The following RPS6KB1 variants were observed in gnomAD, a reference collection of about 807,000 sequenced individuals.
RPS6KB1 encodes the protein ribosomal protein S6 kinase beta-1.
RPS6KB1 carries 12 observed loss-of-function variants against 70.2 expected under a neutral mutation model. The ratio of observed to expected loss-of-function variants is 0.17; its 90% CI spans 0.11 to 0.28. The LOEUF (loss-of-function observed/expected upper bound fraction) is 0.28, where lower values mean the gene tolerates loss of function less well. RPS6KB1 is among the 10% of genes least tolerant of loss of function. The pLI is 1.00. For synonymous variants in RPS6KB1, 175 were observed against 211.2 expected (o/e 0.83, Z 1.49); for missense variants, 270 against 646.6 (o/e 0.42, Z 6.32).
chr17:59,898,872 G>T (rs1026546128), intron 1 of RPS6KB1, among the ~76,000 whole-genome samples: 1 of 151,838 alleles, frequency 6.6e-6, no homozygotes, highest in African/African-American at 2.4e-5. Flanking sequence ...CATTGGATAG[G>T]CCATAAAGCT....
chr17:59,907,723 G>C (rs907017520), intron 1 of RPS6KB1, among the ~76,000 whole-genome samples: 1 of 151,968 alleles, frequency 6.6e-6, no homozygotes, highest in East Asian at 1.9e-4. Context: ...AAATTTTTTT[G>C]TGGAGGCAGG....
At chr17:59,902,878 G>T (rs2042041085) in intron 1 of RPS6KB1, among the ~76,000 whole-genome samples, 1 of 152,012 alleles carries the variant, frequency 6.6e-6, no homozygotes, top group Non-Finnish European at 1.5e-5. Flanking sequence ...TCCTCGCCTG[G>T]CCTGAATAAA....
chr17:59,943,585 TA>T (rs138428396), intron 13 of RPS6KB1, among the ~76,000 whole-genome samples: 1 of 150,720 alleles, frequency 6.6e-6, no homozygotes, highest in Non-Finnish European at 1.5e-5. Context: ...TAAACATTAA[TA>T]AAAAAAAATA....
At position 59,914,596 on chromosome 17, in the gene RPS6KB1, AG is replaced by A. The variant is rs747405158; in HGVS notation, c.313-38del. Reference sequence around the variant, plus strand: ...GGAATTAAGGGAGTATGCCTGACATAGTTTGCCTTTGAATAACACACACTTT... The same window carrying A: ...GGAATTAAGGGAGTATGCCTGACATATTTGCCTTTGAATAACACACACTTT... On this transcript the variant is annotated intron_variant, in intron 3 of 14. Coordinates refer to ENST00000225577, the MANE Select transcript of RPS6KB1 (RefSeq NM_003161.4). 6.9e-6 allele frequency: 10 copies of A among 1,451,644 alleles called. No individual in the cohort carries two copies. In the African/African-American group the frequency reaches 1.1e-4, roughly 16 times the overall value. 89.9% of individuals were successfully genotyped at this position (1,451,644 alleles called of 1,614,324 possible). A position where few individuals can be genotyped will look rare whatever the true frequency, so the allele number is the denominator to read the frequency against.
At chr17:59,921,613 G>A (rs569409187) in intron 4 of RPS6KB1, among the ~76,000 whole-genome samples, 1 of 152,272 alleles carries the variant, frequency 6.6e-6, no homozygotes, top group Admixed American at 6.5e-5. Context: ...TGGACATTCT[G>A]TCTGGATTTA....
At chr17:59,909,052 G>A (rs1478688007) in intron 1 of RPS6KB1, among the ~76,000 whole-genome samples, 3 of 148,438 alleles carry the variant, frequency 2.0e-5, no homozygotes, top group African/African-American at 7.5e-5. Context: ...TCATCCTCCC[G>A]AGTAGCTGGC....
chr17:59,936,182 G>T (rs1279956040), intron 10 of RPS6KB1, 33 bp from the exon 11 acceptor site: 8 of 1,577,070 alleles, frequency 5.1e-6, no homozygotes, highest in Non-Finnish European at 6.9e-6. Flanking sequence ...TTTGACTAAG[G>T]TTCTTTATCC....
chr17:59,931,761 A>G (rs915957904), intron 7 of RPS6KB1, 39 bp downstream of exon 7: 38 of 1,413,216 alleles, frequency 2.7e-5, no homozygotes, highest in Non-Finnish European at 3.6e-5. Flanking sequence ...GTAAATAATC[A>G]TCTTAAAATC....
In RPS6KB1 at chr17:59,930,117, G is replaced by T; in HGVS notation, c.530G>T (p.Gly177Val). ...KLYLILEYLSGGELFMQLERE... is the reference protein window; with the variant it reads ...KLYLILEYLSVGELFMQLERE... ...TAATGTTTTTTCTTTTTCTTTACAG[G>T]AGGAGAACTATTTATGCAGTTAGAA... The change falls in exon 6 of 15, where the codon GGA becomes GTA. Residue 177 changes from glycine to valine, a missense_variant and splice_region_variant. By Grantham distance (109) the Gly-to-Val change is moderately radical. This residue lies in a region of RPS6KB1 where 21 missense variants were observed against 135.9 expected (regional missense o/e 0.15). Transcript: ENST00000225577. The T allele has an allele frequency of 7.3e-7, 1 of 1,378,716 alleles. No individual in the cohort carries two copies. The highest frequency in any genetic ancestry group is 1.0e-6 in the Non-Finnish European group (1 of 965,522). The allele number at this position is 1,378,716 out of a possible 1,614,324, so 85.4% of individuals were successfully genotyped here.
intron 5 of RPS6KB1, among the ~76,000 whole-genome samples, chr17:59,928,598 C>T (rs2043762006): frequency 6.6e-6 from 1 of 152,108 alleles, no homozygotes; most frequent in African/African-American, 2.4e-5. Context: ...GATCCGCCCA[C>T]CTTGGCCTCC....
chr17:59,946,574 A>G lies in RPS6KB1; in HGVS notation c.1364A>G (p.Asp455Gly), dbSNP rs1341855672. Residue 455 changes from aspartate to glycine, a missense_variant, in exon 15 of 15, where the codon GAT becomes GGT. Asp to Gly is a moderately conservative substitution (Grantham distance 94). Coordinates refer to ENST00000225577, the MANE Select transcript of RPS6KB1 (RefSeq NM_003161.4). This position sits in a 1 kb window ranked among gnomAD's most constrained non-coding sequence, Gnocchi z 4.2. ...PVSPVKFSPGDFWGRGASAST... is the reference protein window; with the variant it reads ...PVSPVKFSPGGFWGRGASAST... The stretch of plus-strand genomic sequence containing the variant: ...AGCCCAGTCAAATTTTCTCCTGGGG[A>G]TTTCTGGGGAAGAGGTGCTTCGGCC... The G allele has an allele frequency of 6.2e-7, 1 of 1,614,010 alleles. No individual in the cohort carries two copies. The highest frequency in any genetic ancestry group is 8.5e-7 in the Non-Finnish European group (1 of 1,180,012).
In RPS6KB1 at chr17:59,934,395, A is replaced by G; in HGVS notation, c.780-39A>G. 1 of 1,567,432 alleles carries G rather than the reference A, an allele frequency of 6.4e-7. No individual in the cohort carries two copies. The highest frequency in any genetic ancestry group is 1.1e-5 in the South Asian group (1 of 89,992). ...AAATTCTAATTCAGATGATATGCAAATGGGTGAATTTTTAAGCATATTATT... is the reference window on the plus strand; with the variant it reads ...AAATTCTAATTCAGATGATATGCAAGTGGGTGAATTTTTAAGCATATTATT... On this transcript the variant is annotated intron_variant, in intron 8 of 14. Transcript: ENST00000225577. The surrounding 1 kb of genome is among the most constrained non-coding windows in gnomAD (Gnocchi z 4.8).
chr17:59,894,890 C>A (rs925957741), intron 1 of RPS6KB1, among the ~76,000 whole-genome samples: 1 of 152,190 alleles, frequency 6.6e-6, no homozygotes, highest in African/African-American at 2.4e-5. Flanking sequence ...TAGGCATAAA[C>A]CACCATACCT....
intron 12 of RPS6KB1, among the ~76,000 whole-genome samples, chr17:59,940,578 G>A (rs2044518586): frequency 3.3e-5 from 5 of 151,960 alleles, no homozygotes; most frequent in Non-Finnish European, 1.5e-5. Context: ...GAGCCACCAT[G>A]CCCAGTCGAT....
chr17:59,903,260 G>A (rs1321629144), intron 1 of RPS6KB1, among the ~76,000 whole-genome samples: 2 of 150,954 alleles, frequency 1.3e-5, no homozygotes, highest in African/African-American at 4.9e-5. Context: ...ACCCGAGATA[G>A]CACCACTGCA....
intron 14 of RPS6KB1, 31 bp downstream of exon 14, chr17:59,945,549 T>G: frequency 7.8e-7 from 1 of 1,282,272 alleles, no homozygotes; most frequent in South Asian, 1.2e-5. Context: ...CACTTTTTTT[T>G]GTTTTTAAAC....
At chr17:59,916,481 T>A (rs2042971231) in intron 4 of RPS6KB1, among the ~76,000 whole-genome samples, 1 of 152,236 alleles carries the variant, frequency 6.6e-6, no homozygotes. Flanking sequence ...TCATTTTGTT[T>A]TGCTTTCTTT....
chr17:59,914,286 C>A (rs1485835214), intron 3 of RPS6KB1, among the ~76,000 whole-genome samples: 1 of 151,416 alleles, frequency 6.6e-6, no homozygotes, highest in African/African-American at 2.4e-5. Context: ...GAAGCAAGGG[C>A]AGTGGCAAGC....
At chr17:59,916,032 C>G (rs2042943026) in intron 4 of RPS6KB1, among the ~76,000 whole-genome samples, 1 of 152,018 alleles carries the variant, frequency 6.6e-6, no homozygotes, top group Non-Finnish European at 1.5e-5. Flanking sequence ...CCGCCTTGGC[C>G]TCCCAAAGTG....
Sources: allele counts gnomAD v4.1 joint callset (sites outside exome capture counted in the v4.1 genomes callset), GRCh38; gene constraint gnomAD v4.1.1; regional missense constraint gnomAD v4.1.1; non-coding constraint Gnocchi (gnomAD v3.1); transcripts MANE v1.5; gene names NCBI Gene and HGNC (gene_info 2026-07-23, HGNC 2026-07-21).